The following CAPZB variants were observed in gnomAD, a reference collection of about 807,000 sequenced individuals.
CAPZB encodes capping actin protein of muscle Z-line subunit beta.
In CAPZB, 2 loss-of-function variants were observed where a neutral mutation model predicts 38.1. The ratio of observed to expected loss-of-function variants is 0.05; its 90% confidence interval spans 0.02 to 0.17. The LOEUF is 0.17. CAPZB is among the 10% of genes least tolerant of loss of function. The probability of loss-of-function intolerance (pLI) is 1.00; values close to 1 mark genes in which losing one functional copy is unlikely to be tolerated. For synonymous variants in CAPZB, 107 were observed against 127.4 expected (o/e 0.84, Z 1.08); for missense variants, 161 against 334.2 (o/e 0.48, Z 4.04).
intron 2 of CAPZB, among the ~76,000 whole-genome samples, chr1:19,395,497 G>C (rs1423862421): frequency 2.0e-5 from 3 of 152,174 alleles, no homozygotes; most frequent in African/African-American, 7.2e-5. Context: ...GAATCTCACA[G>C]CCTGGAAGGG....
chr1:19,482,953 G>A (rs961920864), intron 1 of CAPZB, among the ~76,000 whole-genome samples: 1 of 152,222 alleles, frequency 6.6e-6, no homozygotes, highest in African/African-American at 2.4e-5. Context: ...GTGACTGAGA[G>A]AATGAATATG....
At chr1:19,373,541 G>C (rs2100397956) in intron 4 of CAPZB, among the ~76,000 whole-genome samples, 1 of 152,278 alleles carries the variant, frequency 6.6e-6, no homozygotes, top group Non-Finnish European at 1.5e-5. Flanking sequence ...CTCTCCGGTG[G>C]CAGAGGGAGC....
At chr1:19,448,730 T>C in intron 1 of CAPZB, 1 of 1,383,168 alleles carries the variant, frequency 7.2e-7, no homozygotes, top group South Asian at 1.3e-5. Flanking sequence ...TCCATCAGCT[T>C]TGCTATTTAC....
rs2094644901 is a variant in CAPZB at position 19,484,784 on chromosome 1, T to A, written c.3+652A>T. Reference sequence around the variant, plus strand: ...GTGGCGAAAAGTCCAGGGAAGGGGATCATGGTGGGGAGGGGGCAGTGAGGT... The same window carrying A: ...GTGGCGAAAAGTCCAGGGAAGGGGAACATGGTGGGGAGGGGGCAGTGAGGT... On this transcript the variant is annotated intron_variant, in intron 1 of 8. Transcript: ENST00000264202. The A allele has an allele frequency of 4.4e-6, 4 of 906,676 alleles. No homozygotes were observed. In the African/African-American group the frequency reaches 5.4e-5, roughly 12 times the overall value. 56.2% of individuals were successfully genotyped at this position (906,676 alleles called of 1,614,324 possible). A position where few individuals can be genotyped will look rare whatever the true frequency, so the allele number is the denominator to read the frequency against.
chr1:19,359,210 C>CTTTTTTTTTTT (rs57251931), intron 4 of CAPZB, among the ~76,000 whole-genome samples: 2 of 114,410 alleles, frequency 1.7e-5, no homozygotes, highest in African/African-American at 3.4e-5. Flanking sequence ...TCTCTGTACT[C>CTTTTTTTTTTT]TTTTTTTTTT....
At chr1:19,389,948 A>G (rs2094223833) in intron 2 of CAPZB, among the ~76,000 whole-genome samples, 1 of 152,220 alleles carries the variant, frequency 6.6e-6, no homozygotes, top group Non-Finnish European at 1.5e-5. Context: ...CTCACCACTT[A>G]GCATTTTTCA....
intron 2 of CAPZB, among the ~76,000 whole-genome samples, chr1:19,410,269 G>C (rs1474908440): frequency 1.3e-5 from 2 of 152,190 alleles, no homozygotes; most frequent in Non-Finnish European, 2.9e-5. Context: ...AGGGGAGATG[G>C]AGGGACAAGA....
chr1:19,357,054 G>T lies in CAPZB; in HGVS notation c.472-303C>A, dbSNP rs2094025330. ...TGTTTTTTGTGTTTTTGGTAGAGAT[G>T]CGGTTTCGCCATATTGGCCAGGCTG... On this transcript the variant is annotated intron_variant, in intron 5 of 8. Coordinates refer to ENST00000264202, the MANE Select transcript of CAPZB (RefSeq NM_004930.5). The surrounding 1 kb of genome is among the most constrained non-coding windows in gnomAD (Gnocchi z 4.3). Among the ~76,000 whole-genome samples, 1 of 152,014 alleles carries T rather than the reference G, an allele frequency of 6.6e-6. No individual in the cohort carries two copies. The highest frequency in any genetic ancestry group is 2.1e-4 in the South Asian group (1 of 4,830).
chr1:19,430,887 T>C (rs1239066075), intron 1 of CAPZB, among the ~76,000 whole-genome samples: 1 of 152,170 alleles, frequency 6.6e-6, no homozygotes, highest in African/African-American at 2.4e-5. Context: ...AACAAACTCA[T>C]TGCTCAGGAT....
chr1:19,392,668 G>A (rs1425884074), intron 2 of CAPZB, among the ~76,000 whole-genome samples: 2 of 151,820 alleles, frequency 1.3e-5, no homozygotes, highest in African/African-American at 2.4e-5. Context: ...GCATGTTCCT[G>A]TAGTCCCAGC....
chr1:19,419,922 G>A, intron 1 of CAPZB, 172 bp from the exon 2 acceptor site: 2 of 565,606 alleles, frequency 3.5e-6, no homozygotes, highest in East Asian at 3.0e-5. Flanking sequence ...GACTGTGCAG[G>A]CTGTTTGCTC....
intron 4 of CAPZB, among the ~76,000 whole-genome samples, chr1:19,360,817 G>A (rs2094048963): frequency 6.6e-6 from 1 of 152,314 alleles, no homozygotes; most frequent in African/African-American, 2.4e-5. Flanking sequence ...TTCAAATGCT[G>A]GAGCCAGGGG....
At chr1:19,440,770 T>C (rs901270783) in intron 1 of CAPZB, among the ~76,000 whole-genome samples, 7 of 152,188 alleles carry the variant, frequency 4.6e-5, no homozygotes, top group African/African-American at 1.7e-4. Context: ...AAAAAAGTTA[T>C]AGCTGCTAGG....
chr1:19,412,499 G>A (rs2094361507), intron 2 of CAPZB, among the ~76,000 whole-genome samples: 1 of 152,114 alleles, frequency 6.6e-6, no homozygotes, highest in Non-Finnish European at 1.5e-5. Context: ...GCCCAGGCTG[G>A]TCTTAAACTC....
intron 1 of CAPZB, among the ~76,000 whole-genome samples, chr1:19,463,618 T>G (rs1296573912): frequency 2.6e-5 from 4 of 152,282 alleles, no homozygotes; most frequent in East Asian, 3.9e-4. Flanking sequence ...GCTGGGCCAG[T>G]GGCCACCATG....
At chr1:19,418,719 G>A (rs1241011144) in intron 2 of CAPZB, among the ~76,000 whole-genome samples, 1 of 152,214 alleles carries the variant, frequency 6.6e-6, no homozygotes, top group African/African-American at 2.4e-5. Context: ...AAAGTTTTCT[G>A]TGAATGACAT....
intron 7 of CAPZB, 151 bp from the exon 8 acceptor site, chr1:19,344,585 G>A (rs59798943): frequency 1.5e-6 from 1 of 657,706 alleles, no homozygotes; most frequent in Admixed American, 2.4e-5. Context: ...GCTCCAGGCT[G>A]CCAAGACCCC....
Position 19,357,061 on chromosome 1 carries a change from C to T in CAPZB, c.472-310G>A, listed in dbSNP as rs577471378. ...TGTGTTTTTGGTAGAGATGCGGTTTCGCCATATTGGCCAGGCTGGTCTTGA... is the reference window on the plus strand; with the variant it reads ...TGTGTTTTTGGTAGAGATGCGGTTTTGCCATATTGGCCAGGCTGGTCTTGA... On this transcript the variant is annotated intron_variant, in intron 5 of 8. Coordinates refer to ENST00000264202, the MANE Select transcript of CAPZB (RefSeq NM_004930.5). This position sits in a 1 kb window ranked among gnomAD's most constrained non-coding sequence, Gnocchi z 4.3. 5.6e-4 allele frequency among the ~76,000 whole-genome samples: 85 copies of T among 152,152 alleles called. No individual in the cohort carries two copies. The highest frequency in any genetic ancestry group is 2.0e-3 in the African/African-American group (83 of 41,508).
At chr1:19,468,286 C>T (rs1381825459) in intron 1 of CAPZB, among the ~76,000 whole-genome samples, 1 of 152,000 alleles carries the variant, frequency 6.6e-6, no homozygotes, top group Non-Finnish European at 1.5e-5. Flanking sequence ...GCTTTTATAA[C>T]AAAACAAAAA....
Sources: gnomAD v4.1 joint callset for allele counts (sites outside exome capture counted in the v4.1 genomes callset) on GRCh38, gnomAD v4.1.1 for gene constraint, Gnocchi (gnomAD v3.1) non-coding constraint, MANE v1.5 for transcripts, NCBI Gene and HGNC (gene_info 2026-07-23, HGNC 2026-07-21) for gene names.